TXLNB: variants seen among roughly 807,000 people sequenced by gnomAD.
TXLNB encodes beta-taxilin.
In TXLNB, 37 loss-of-function variants were observed where a neutral mutation model predicts 57.4. That is an observed-to-expected ratio of 0.64 (90% CI 0.50 to 0.85). The LOEUF (loss-of-function observed/expected upper bound fraction) is 0.85. Among genes scored for constraint, TXLNB ranks in the 40% least tolerant of loss-of-function variants. The pLI is 0.00. For synonymous variants in TXLNB, 302 were observed against 309.6 expected, an observed-to-expected ratio of 0.98 and a Z score of 0.26; for missense variants, 848 against 825.6, an observed-to-expected ratio of 1.03 and a Z score of -0.33.
the TXLNB span, among the ~76,000 whole-genome samples, chr6:139,190,107 G>T: frequency 6.6e-6 from 1 of 152,128 alleles, no homozygotes; most frequent in Non-Finnish European, 1.5e-5. Context: ...AAAATACCTG[G>T]ATCATAAGAA....
the TXLNB span, among the ~76,000 whole-genome samples, chr6:139,193,805 C>T: frequency 8.2e-5 from 12 of 145,932 alleles, no homozygotes; most frequent in Admixed American, 8.2e-4. Context: ...AGGTGCACAC[C>T]ACCATGCCTG....
At chr6:139,211,176 T>C in the TXLNB span, among the ~76,000 whole-genome samples, 3 of 152,024 alleles carry the variant, frequency 2.0e-5, no homozygotes, top group East Asian at 6.0e-4. Flanking sequence ...ACGGGCAGAC[T>C]GCCTCCTCAA....
chr6:139,321,559 T>A, the TXLNB span, among the ~76,000 whole-genome samples: 2 of 150,296 alleles, frequency 1.3e-5, no homozygotes, highest in Non-Finnish European at 3.0e-5. Context: ...TTTTTTTTTT[T>A]AATCTATGGA....
the TXLNB span, among the ~76,000 whole-genome samples, chr6:139,181,111 T>TAAAG: frequency 9.7e-6 from 1 of 103,012 alleles, no homozygotes; most frequent in Non-Finnish European, 1.9e-5. Flanking sequence ...AGTATAGTGT[T>TAAAG]AAAGATTAGA....
rs1441793964 is a variant in TXLNB at position 139,240,283 on chromosome 6, G to T, written c.*2243C>A. 2.6e-5 allele frequency: 4 copies of T among 152,546 alleles called. No individual in the cohort carries two copies. Among genetic ancestry groups the T allele is most frequent in the Non-Finnish European group, 4.4e-5 (3 of 68,030 alleles). The allele number at this position is 152,546 out of a possible 1,614,324, so 9.4% of individuals were successfully genotyped here. Reference sequence around the variant, plus strand: ...AAAGGACTATAATAAAACATTCTTTGAATATTAAAATAATTCCCCCAAAAC... The same window carrying T: ...AAAGGACTATAATAAAACATTCTTTTAATATTAAAATAATTCCCCCAAAAC... On this transcript the variant is annotated 3_prime_UTR_variant, in exon 10 of 10. Coordinates refer to ENST00000358430, the MANE Select transcript of TXLNB (RefSeq NM_153235.4).
At position 139,244,707 on chromosome 6, in the gene TXLNB, G is replaced by A. The variant is rs1376221216; in HGVS notation, c.1171-17C>T. On this transcript the variant is annotated splice_polypyrimidine_tract_variant and intron_variant, in intron 8 of 9. Coordinates refer to ENST00000358430, the MANE Select transcript of TXLNB (RefSeq NM_153235.4). Reference sequence around the variant, plus strand: ...CTTAGTTGTCTACAGAAATTAGAGTGAGTGTGTGTTAATCTTGAAAAGTTA... The same window carrying A: ...CTTAGTTGTCTACAGAAATTAGAGTAAGTGTGTGTTAATCTTGAAAAGTTA... 4 of 1,563,310 alleles carry A rather than the reference G, an allele frequency of 2.6e-6. No individual in the cohort carries two copies. The highest frequency in any genetic ancestry group is 2.7e-5 in the African/African-American group (2 of 73,824).
the TXLNB span, among the ~76,000 whole-genome samples, chr6:139,303,912 T>C: frequency 6.6e-6 from 1 of 150,984 alleles, no homozygotes; most frequent in African/African-American, 2.4e-5. Context: ...GAGAAACATC[T>C]CAGTCTTTGT....
the TXLNB span, among the ~76,000 whole-genome samples, chr6:139,224,475 A>G: frequency 6.6e-6 from 1 of 151,738 alleles, no homozygotes; most frequent in Non-Finnish European, 1.5e-5. Context: ...TAAATATTTA[A>G]AACTTCAAAA....
the TXLNB span, among the ~76,000 whole-genome samples, chr6:139,216,815 T>G: frequency 1.3e-5 from 2 of 152,074 alleles, 1 homozygote. Flanking sequence ...AGCTAAGCTA[T>G]GAGGATGCAA....
At chr6:139,218,068 C>T in the TXLNB span, among the ~76,000 whole-genome samples, 2 of 152,016 alleles carry the variant, frequency 1.3e-5, no homozygotes, top group Admixed American at 6.6e-5. Flanking sequence ...CAGCTGTACA[C>T]GGTGGCTGAA....
chr6:139,231,436 G>A, the TXLNB span, among the ~76,000 whole-genome samples: 1 of 152,130 alleles, frequency 6.6e-6, no homozygotes, highest in Middle Eastern at 3.2e-3. Context: ...GAAACACTTT[G>A]CTTAGACTTG....
the TXLNB span, among the ~76,000 whole-genome samples, chr6:139,303,909 A>G: frequency 6.7e-6 from 1 of 150,334 alleles, no homozygotes; most frequent in African/African-American, 2.4e-5. Context: ...TAAGAGAAAC[A>G]TCTCAGTCTT....
chr6:139,183,365 T>G, the TXLNB span: 1 of 152,232 alleles, frequency 6.6e-6, no homozygotes, highest in Non-Finnish European at 1.5e-5. Context: ...ACTGGCCACC[T>G]TTAGCATATT....
At chr6:139,278,193 A>T (rs546099994) in intron 2 of TXLNB, among the ~76,000 whole-genome samples, 2 of 152,318 alleles carry the variant, frequency 1.3e-5, no homozygotes, top group East Asian at 3.9e-4. Flanking sequence ...CCAAAGTTAC[A>T]TGATTAGTGC....
chr6:139,235,415 C>T (rs1775825172), downstream of TXLNB, among the ~76,000 whole-genome samples: 1 of 152,130 alleles, frequency 6.6e-6, no homozygotes, highest in Non-Finnish European at 1.5e-5. Flanking sequence ...TGAGTTAAGA[C>T]TTTGGGGGAC....
At chr6:139,301,938 C>A in the TXLNB span, among the ~76,000 whole-genome samples, 1 of 152,076 alleles carries the variant, frequency 6.6e-6, no homozygotes, top group Non-Finnish European at 1.5e-5. Context: ...TAATATATTA[C>A]AAGTCCTTAG....
At chr6:139,318,634 C>G in the TXLNB span, among the ~76,000 whole-genome samples, 3 of 151,906 alleles carry the variant, frequency 2.0e-5, no homozygotes, top group African/African-American at 4.8e-5. Flanking sequence ...TATTTCCAAG[C>G]AGAAACAAAC....
the TXLNB span, among the ~76,000 whole-genome samples, chr6:139,206,683 A>G: frequency 1.3e-5 from 2 of 152,048 alleles, no homozygotes; most frequent in Non-Finnish European, 2.9e-5. Flanking sequence ...CAAAAAAAAA[A>G]AAAAGATACA....
At chr6:139,217,864 CAAAAAA>C in the TXLNB span, among the ~76,000 whole-genome samples, 7 of 51,932 alleles carry the variant, frequency 1.3e-4, no homozygotes, top group Admixed American at 4.1e-4. Context: ...GCAAGAGTCT[CAAAAAA>C]AAAAAAAAAA....
Sources: gnomAD v4.1 joint callset for allele counts (sites outside exome capture counted in the v4.1 genomes callset) on GRCh38, gnomAD v4.1.1 for gene constraint, MANE v1.5 for transcripts, NCBI Gene and HGNC (gene_info 2026-07-23, HGNC 2026-07-21) for gene names.